SLC25A21: variants seen among roughly 807,000 people sequenced by gnomAD.
The protein encoded by SLC25A21 is solute carrier family 25 member 21, also known as mitochondrial 2-oxodicarboxylate carrier.
Under a neutral mutation model 43.8 loss-of-function variants are expected in SLC25A21, and 47 were observed. That is an observed-to-expected ratio of 1.07 (90% CI 0.85 to 1.37). The LOEUF (loss-of-function observed/expected upper bound fraction) is 1.37, where lower values mean the gene tolerates loss of function less well. Ranked by LOEUF, SLC25A21 falls within the 40% of genes most tolerant of loss-of-function variation. SLC25A21 has a pLI of 0.00. For synonymous variants in SLC25A21, 131 were observed against 121.3 expected (o/e 1.08, Z -0.52); for missense variants, 352 against 350.2 (o/e 1.00, Z -0.04).
rs534518471 is a variant in SLC25A21, at chr14:37,056,152, A to G, written c.70+116129T>C. Among the ~76,000 whole-genome samples, 77 of 152,174 alleles carry G rather than the reference A, an allele frequency of 5.1e-4. 1 individual carries two copies. The highest frequency in any genetic ancestry group is 1.9e-3 in the South Asian group (9 of 4,806). ...TAAGTTTCCTCAGGCCTACCCAGAA[A>G]CAGAAGCCTATATAGCCTTCAATTA... is the stretch of plus-strand genomic sequence containing the variant. On this transcript the variant is annotated intron_variant, in intron 1 of 9. Coordinates refer to ENST00000331299, the MANE Select transcript of SLC25A21 (RefSeq NM_030631.4).
chr14:36,748,580 T>A (rs941007786), intron 3 of SLC25A21, among the ~76,000 whole-genome samples: 4 of 152,174 alleles, frequency 2.6e-5, no homozygotes, highest in Admixed American at 2.0e-4. Context: ...GTTAGCTATT[T>A]CCCTACCAAA....
At chr14:36,835,911 T>C (rs1462936886) in intron 2 of SLC25A21, among the ~76,000 whole-genome samples, 1 of 152,186 alleles carries the variant, frequency 6.6e-6, no homozygotes, top group Non-Finnish European at 1.5e-5. Context: ...TTGTCTTCCT[T>C]CAAATATGGT....
intron 1 of SLC25A21, among the ~76,000 whole-genome samples, chr14:37,170,114 C>T (rs1428099665): frequency 6.6e-6 from 1 of 152,014 alleles, no homozygotes; most frequent in African/African-American, 2.4e-5. Flanking sequence ...CGGCTCACTG[C>T]AACCTCCGCC....
intron 1 of SLC25A21, among the ~76,000 whole-genome samples, chr14:36,935,102 A>C (rs917494748): frequency 2.9e-4 from 44 of 152,108 alleles, no homozygotes; most frequent in African/African-American, 1.0e-3. Context: ...TCTAAATTTC[A>C]TATCTCGCCA....
intron 1 of SLC25A21, among the ~76,000 whole-genome samples, chr14:36,989,143 C>T (rs947320006): frequency 1.3e-5 from 2 of 152,160 alleles, no homozygotes; most frequent in Non-Finnish European, 2.9e-5. Flanking sequence ...CCAAAAAATA[C>T]TGGCTTTGCC....
At chr14:37,144,031 C>T (rs539448270) in intron 1 of SLC25A21, among the ~76,000 whole-genome samples, 1 of 152,090 alleles carries the variant, frequency 6.6e-6, no homozygotes, top group African/African-American at 2.4e-5. Flanking sequence ...GTGGGAAGCT[C>T]GGGACAGGTC....
At chr14:37,064,467 C>T (rs1317876073) in intron 1 of SLC25A21, among the ~76,000 whole-genome samples, 1 of 151,210 alleles carries the variant, frequency 6.6e-6, no homozygotes, top group Non-Finnish European at 1.5e-5. Context: ...CTTGGGAGAA[C>T]CCTAATACAG....
intron 2 of SLC25A21, among the ~76,000 whole-genome samples, chr14:36,867,479 G>A (rs922190377): frequency 2.0e-5 from 3 of 152,240 alleles, no homozygotes; most frequent in Non-Finnish European, 2.9e-5. Flanking sequence ...GGAGGATACC[G>A]AATAATGTCA....
rs12879259 is a variant in SLC25A21, at chr14:37,075,790, A to C, written c.70+96491T>G. ...TGTGACCCAGCTGAATGAATGTAAT[A>C]ACAGACAGATGATGGTTTATGTCGT... On this transcript the variant is annotated intron_variant, in intron 1 of 9. Transcript: ENST00000331299. Among the ~76,000 whole-genome samples, 234 of 152,244 alleles carry C rather than the reference A, an allele frequency of 1.5e-3. 1 individual carries two copies. Among genetic ancestry groups the C allele is most frequent in the Admixed American group, 3.2e-3 (49 of 15,308 alleles).
chr14:37,042,422 A>C (rs1312226589), intron 1 of SLC25A21, among the ~76,000 whole-genome samples: 2 of 152,212 alleles, frequency 1.3e-5, no homozygotes, highest in Non-Finnish European at 2.9e-5. Flanking sequence ...CCGACTCCAA[A>C]AGATGTCTAA....
intron 3 of SLC25A21, among the ~76,000 whole-genome samples, chr14:36,774,129 A>T (rs1460513863): frequency 6.6e-6 from 1 of 152,156 alleles, no homozygotes; most frequent in East Asian, 1.9e-4. Flanking sequence ...TTTACCATTT[A>T]TTCAGTGATT....
chr14:37,030,682 T>A (rs1961192645), intron 1 of SLC25A21, among the ~76,000 whole-genome samples: 1 of 152,202 alleles, frequency 6.6e-6, no homozygotes, highest in Admixed American at 6.5e-5. Flanking sequence ...TGTAAAAGGT[T>A]ATGTTTGTGA....
At chr14:36,764,041 AAAG>A (rs1353249484) in intron 3 of SLC25A21, among the ~76,000 whole-genome samples, 10 of 30,924 alleles carry the variant, frequency 3.2e-4, no homozygotes, top group African/African-American at 1.7e-3. Context: ...AAAGAAAAAG[AAAG>A]AAAGAAAGAA....
At chr14:37,053,392 T>C (rs1410221663) in intron 1 of SLC25A21, among the ~76,000 whole-genome samples, 2 of 152,304 alleles carry the variant, frequency 1.3e-5, no homozygotes, top group East Asian at 1.9e-4. Flanking sequence ...CAACTTGTGA[T>C]GAACATTAAA....
intron 1 of SLC25A21, among the ~76,000 whole-genome samples, chr14:37,161,146 AT>A (rs1963934233): frequency 6.6e-6 from 1 of 152,154 alleles, no homozygotes; most frequent in African/African-American, 2.4e-5. Context: ...CATGTAAAAA[AT>A]TTCTCATATA....
At chr14:37,048,925 A>T (rs1296381588) in intron 1 of SLC25A21, among the ~76,000 whole-genome samples, 1 of 152,146 alleles carries the variant, frequency 6.6e-6, no homozygotes, top group African/African-American at 2.4e-5. Context: ...GTCATGTTCT[A>T]ATCTCATAGA....
intron 1 of SLC25A21, among the ~76,000 whole-genome samples, chr14:36,887,292 G>A (rs1399335943): frequency 1.3e-5 from 2 of 151,856 alleles, no homozygotes; most frequent in African/African-American, 2.4e-5. Flanking sequence ...GGCCAGGCGC[G>A]GTGGCTCACA....
chr14:36,853,691 C>T (rs1889812580), intron 2 of SLC25A21, among the ~76,000 whole-genome samples: 1 of 152,216 alleles, frequency 6.6e-6, no homozygotes, highest in Admixed American at 6.5e-5. Context: ...GCTGCAACTG[C>T]TCCAACTTGG....
At chr14:36,696,430 G>A (rs982690996) in intron 7 of SLC25A21, among the ~76,000 whole-genome samples, 54 of 152,290 alleles carry the variant, frequency 3.5e-4, no homozygotes, top group African/African-American at 1.2e-3. Flanking sequence ...CATAAAATGC[G>A]TTAGGGAGGA....
Sources: allele counts gnomAD v4.1 joint callset (sites outside exome capture counted in the v4.1 genomes callset), GRCh38; gene constraint gnomAD v4.1.1; transcripts MANE v1.5; gene names NCBI Gene and HGNC (gene_info 2026-07-23, HGNC 2026-07-21).